Variants in TFG observed in about 807,000 individuals in gnomAD.
TFG encodes trafficking from ER to golgi regulator.
TFG carries 22 observed loss-of-function variants against 51.4 expected under a neutral mutation model. That is an observed-to-expected ratio of 0.43 (90% CI 0.31 to 0.61). The LOEUF (loss-of-function observed/expected upper bound fraction) is 0.61. Ranked by LOEUF, TFG falls within the 20% of genes least tolerant of loss-of-function variation. The pLI is 0.12. For synonymous variants in TFG, 187 were observed against 165.6 expected (o/e 1.13, Z -0.99); for missense variants, 419 against 487.7 (o/e 0.86, Z 1.33).
chr3:100,710,967 G>A (rs1576350738), intron 1 of TFG: 1 of 152,326 alleles, frequency 6.6e-6, no homozygotes, highest in Non-Finnish European at 1.5e-5. Context: ...TTTACTCTGG[G>A]GAGATGACTG....
intron 3 of TFG, 140 bp from the exon 4 acceptor site, chr3:100,728,572 T>TAAA: frequency 8.3e-5 from 47 of 563,430 alleles, no homozygotes; most frequent in East Asian, 2.0e-4. Flanking sequence ...TCTTTTTTTT[T>TAAA]AAAAAAAAAG....
intron 6 of TFG, among the ~76,000 whole-genome samples, chr3:100,738,361 T>A (rs1464267659): frequency 6.6e-6 from 1 of 152,184 alleles, no homozygotes; most frequent in African/African-American, 2.4e-5. Flanking sequence ...TAAAGATTTG[T>A]TTTTAAATAA....
At position 100,748,501 on chromosome 3, in the gene TFG, C is replaced by A; in HGVS notation, c.1173C>A (p.Gly391=). Residue 391 remains glycine, a synonymous_variant, in exon 8 of 8, where the codon GGC becomes GGA. Transcript: ENST00000240851. ...YARNRPPFGQ[G]YTQPGPGYR is the part of the protein sequence containing the mutation. ...GTAACCGTCCTCCCTTTGGTCAGGG[C>A]TATACCCAACCTGGACCTGGTTATC... 6.2e-7 allele frequency: 1 copy of A among 1,613,534 alleles called. No individual in the cohort carries two copies. The highest frequency in any genetic ancestry group is 8.5e-7 in the Non-Finnish European group (1 of 1,179,592).
At chr3:100,746,292 G>T (rs1411612656) in intron 7 of TFG, among the ~76,000 whole-genome samples, 2 of 152,118 alleles carry the variant, frequency 1.3e-5, no homozygotes, top group African/African-American at 2.4e-5. Context: ...CATTCCCAGA[G>T]ATTTTGAATT....
intron 4 of TFG, among the ~76,000 whole-genome samples, chr3:100,731,702 A>G (rs1417006600): frequency 6.6e-6 from 1 of 152,072 alleles, no homozygotes; most frequent in African/African-American, 2.4e-5. Context: ...GATTACAGGC[A>G]TGCATCACTG....
intron 6 of TFG, among the ~76,000 whole-genome samples, chr3:100,739,373 A>G (rs1038100440): frequency 2.0e-5 from 3 of 152,158 alleles, no homozygotes; most frequent in African/African-American, 7.2e-5. Flanking sequence ...AAAAGGATCA[A>G]CAAGATATTG....
chr3:100,725,124 T>C (rs1206964023), intron 3 of TFG, among the ~76,000 whole-genome samples: 1 of 152,066 alleles, frequency 6.6e-6, no homozygotes, highest in African/African-American at 2.4e-5. Flanking sequence ...GCCAGGATGG[T>C]CTCGATCTCC....
chr3:100,725,506 C>G (rs192264496), intron 3 of TFG, among the ~76,000 whole-genome samples: 1 of 150,182 alleles, frequency 6.7e-6, no homozygotes, highest in African/African-American at 2.5e-5. Flanking sequence ...TGGCCAGGTG[C>G]GGTGGCTCAC....
At chr3:100,738,758 C>T (rs932777271) in intron 6 of TFG, among the ~76,000 whole-genome samples, 1 of 152,162 alleles carries the variant, frequency 6.6e-6, no homozygotes, top group African/African-American at 2.4e-5. Flanking sequence ...CTATTAATAA[C>T]TGATCTAATT....
intron 2 of TFG, among the ~76,000 whole-genome samples, chr3:100,716,029 G>A (rs1320397677): frequency 6.6e-6 from 1 of 151,644 alleles, no homozygotes; most frequent in Non-Finnish European, 1.5e-5. Context: ...AGGGTAATTC[G>A]CATATCCATC....
chr3:100,721,904 A>C (rs1009636973), intron 3 of TFG, among the ~76,000 whole-genome samples: 1 of 152,370 alleles, frequency 6.6e-6, no homozygotes, highest in African/African-American at 2.4e-5. Flanking sequence ...TAATTCCAGC[A>C]CTTTGGGAGG....
intron 2 of TFG, among the ~76,000 whole-genome samples, chr3:100,715,785 A>G (rs2095044131): frequency 6.6e-6 from 1 of 151,408 alleles, no homozygotes; most frequent in Non-Finnish European, 1.5e-5. Context: ...CAGTGGCATG[A>G]TTATAGCTCA....
At chr3:100,715,874 C>T (rs1181522329) in intron 2 of TFG, among the ~76,000 whole-genome samples, 1 of 151,124 alleles carries the variant, frequency 6.6e-6, no homozygotes, top group East Asian at 2.0e-4. Context: ...GCCCAGCCTA[C>T]AATTCAGATT....
intron 6 of TFG, among the ~76,000 whole-genome samples, chr3:100,740,735 A>AG (rs1381863527): frequency 5.9e-5 from 9 of 152,268 alleles, no homozygotes; most frequent in African/African-American, 2.2e-4. Flanking sequence ...AATAATTCCC[A>AG]GAAGTCTTAC....
chr3:100,729,660 A>G (rs956085400), intron 4 of TFG, among the ~76,000 whole-genome samples: 5 of 152,136 alleles, frequency 3.3e-5, no homozygotes, highest in African/African-American at 1.2e-4. Context: ...ATATTGTGAA[A>G]TAGTAATTTA....
intron 2 of TFG, among the ~76,000 whole-genome samples, chr3:100,715,890 C>CTT (rs746654375): frequency 1.5e-5 from 2 of 136,534 alleles, no homozygotes; most frequent in African/African-American, 2.7e-5. Flanking sequence ...AGATTTTTAA[C>CTT]TTTTTTTTTT....
At chr3:100,740,849 G>C (rs2095119342) in intron 6 of TFG, among the ~76,000 whole-genome samples, 1 of 151,878 alleles carries the variant, frequency 6.6e-6, no homozygotes. Flanking sequence ...ATAAAACATA[G>C]CTTATATATA....
chr3:100,738,347 G>A (rs933401234), intron 6 of TFG, among the ~76,000 whole-genome samples: 4 of 152,140 alleles, frequency 2.6e-5, no homozygotes, highest in Non-Finnish European at 4.4e-5. Flanking sequence ...TACATCAAGC[G>A]AACTAAAGAT....
chr3:100,725,259 T>C (rs922760825), intron 3 of TFG, among the ~76,000 whole-genome samples: 5 of 152,156 alleles, frequency 3.3e-5, no homozygotes, highest in African/African-American at 1.2e-4. Flanking sequence ...GAACAACTGC[T>C]GTATGCCTAA....
Sources: gnomAD v4.1 joint callset for allele counts (sites outside exome capture counted in the v4.1 genomes callset) on GRCh38, gnomAD v4.1.1 for gene constraint, MANE v1.5 for transcripts, NCBI Gene and HGNC (gene_info 2026-07-23, HGNC 2026-07-21) for gene names.